MS4A5: variants seen among roughly 807,000 people sequenced by gnomAD.
MS4A5 encodes membrane spanning 4-domains A5.
A neutral mutation model predicts 18.2 loss-of-function variants in MS4A5; 15 were observed. The observed-to-expected ratio is 0.83, with a 90% CI of 0.55 to 1.27. The LOEUF is 1.27. Ranked by LOEUF, MS4A5 falls within the 50% of genes most tolerant of loss-of-function variation. The probability of loss-of-function intolerance (pLI) is 0.00; values close to 1 mark genes in which losing one functional copy is unlikely to be tolerated. For synonymous variants in MS4A5, 89 were observed against 78.7 expected (o/e 1.13, Z -0.69); for missense variants, 232 against 225.7 (o/e 1.03, Z -0.18).
At chr11:60,430,710 TC>T in intron 1 of MS4A5, 85 bp from the exon 2 acceptor site, 3 of 1,507,838 alleles carry the variant, frequency 2.0e-6, no homozygotes, top group Non-Finnish European at 2.7e-6. Flanking sequence ...AATTGCCAAA[TC>T]CTTTTGACCA....
chr11:60,434,069 T>C (rs958177511), intron 4 of MS4A5, 152 bp downstream of exon 4: 22 of 711,272 alleles, frequency 3.1e-5, no homozygotes, highest in Non-Finnish European at 4.3e-5. Flanking sequence ...TGATAGACAT[T>C]ACACCAGGCA....
Position 60,447,695 on chromosome 11 carries a change from T to G in MS4A5, c.539T>G (p.Ile180Ser). The G allele has an allele frequency of 6.3e-7, 1 of 1,599,180 alleles. No homozygotes were observed. Among genetic ancestry groups the G allele is most frequent in the Non-Finnish European group, 8.5e-7 (1 of 1,176,412 alleles). The change falls in exon 5 of 5, where the codon ATT (isoleucine) becomes AGT (serine). Residue 180 changes from isoleucine to serine, a missense_variant. Transcript: ENST00000300190. Reference protein sequence around the residue: ...LMTFSIIELFISLPFSILGCH... With the variant: ...LMTFSIIELFSSLPFSILGCH... ...ACTTTCAGCATTATTGAATTATTCATTTCTCTGCCTTTCTCAATTTTGGGG... is the reference window on the plus strand; with the variant it reads ...ACTTTCAGCATTATTGAATTATTCAGTTCTCTGCCTTTCTCAATTTTGGGG...
chr11:60,430,258 GA>G (rs56029330), intron 1 of MS4A5, among the ~76,000 whole-genome samples: 12,160 of 148,296 alleles, frequency 0.082, 671 homozygotes, highest in Middle Eastern at 0.22. Flanking sequence ...GAGAGGGAGA[GA>G]AAAAAAAAAA....
chr11:60,432,428 C>A lies in MS4A5; in HGVS notation c.300C>A (p.Ala100=). ...WGSVLFINSG[A]FLIAVKRKTT... is the part of the protein sequence containing the mutation. ...CTTAACAGTTCATTAATTCTGGAGC[C>A]TTCCTAATTGCAGTGAAAAGAAAAA... Residue 100 remains alanine (A), a synonymous_variant, in exon 3 of 5, where the codon GCC becomes GCA. Coordinates refer to ENST00000300190, the MANE Select transcript of MS4A5 (RefSeq NM_023945.3). The A allele has an allele frequency of 6.3e-7, 1 of 1,591,938 alleles. No individual in the cohort carries two copies. The highest frequency in any genetic ancestry group is 8.6e-7 in the Non-Finnish European group (1 of 1,162,268).
chr11:60,447,755 G>A lies in MS4A5; in HGVS notation c.599G>A (p.Cys200Tyr), dbSNP rs1263257442. 6 of 1,552,914 alleles carry A rather than the reference G, an allele frequency of 3.9e-6. No individual in the cohort carries two copies. The highest frequency in any genetic ancestry group is 5.3e-6 in the Non-Finnish European group (6 of 1,135,508). Residue 200 changes from cysteine (C) to tyrosine (Y), a missense_variant, in exon 5 of 5, where the codon TGT becomes TAT. Physicochemically the swap from Cys to Tyr is radical, Grantham distance 194. Coordinates refer to ENST00000300190, the MANE Select transcript of MS4A5 (RefSeq NM_023945.3). ...GAGGATTGTGATTGTGAACAATGTT[G>A]TTGACTAGCACTGTGAGAATAAAGA... ...HSEDCDCEQC[C>Y]
At chr11:60,438,558 T>G (rs1216989877) in intron 4 of MS4A5, among the ~76,000 whole-genome samples, 3 of 151,084 alleles carry the variant, frequency 2.0e-5, no homozygotes, top group Non-Finnish European at 4.4e-5. Context: ...GAGAGAAGAA[T>G]CAAATAGACG....
chr11:60,441,632 A>AC (rs1196919596), intron 4 of MS4A5, among the ~76,000 whole-genome samples: 3 of 151,198 alleles, frequency 2.0e-5, no homozygotes, highest in African/African-American at 7.3e-5. Flanking sequence ...CTTGAAAAAA[A>AC]AAAAGAAAGA....
intron 4 of MS4A5, among the ~76,000 whole-genome samples, chr11:60,440,081 T>C (rs2086102195): frequency 7.4e-6 from 1 of 134,520 alleles, no homozygotes; most frequent in Non-Finnish European, 1.6e-5. Context: ...AACAGAGATA[T>C]AGATCAATGG....
intron 4 of MS4A5, among the ~76,000 whole-genome samples, chr11:60,446,319 T>C (rs1229553061): frequency 6.6e-6 from 1 of 152,248 alleles, no homozygotes; most frequent in African/African-American, 2.4e-5. Flanking sequence ...CTCAGAAGAC[T>C]GCAAACTTTA....
At chr11:60,444,162 A>T (rs1288917325) in intron 4 of MS4A5, among the ~76,000 whole-genome samples, 2 of 152,212 alleles carry the variant, frequency 1.3e-5, no homozygotes, top group Non-Finnish European at 2.9e-5. Context: ...TAAAATATTT[A>T]AAAATTACGG....
chr11:60,443,227 G>C (rs960738650), intron 4 of MS4A5, among the ~76,000 whole-genome samples: 1 of 152,042 alleles, frequency 6.6e-6, no homozygotes, highest in African/African-American at 2.4e-5. Context: ...ACATTTTCAA[G>C]AATTAGCCAT....
chr11:60,441,492 C>T (rs2086112246), intron 4 of MS4A5, among the ~76,000 whole-genome samples: 1 of 125,660 alleles, frequency 8.0e-6, no homozygotes, highest in South Asian at 2.7e-4. Flanking sequence ...GGAGATAAGC[C>T]AATAGTTTTC....
At position 60,433,739 on chromosome 11, in the gene MS4A5, A is replaced by G. The variant is rs778099697; in HGVS notation, c.340-26A>G. 6 of 1,610,400 alleles carry G rather than the reference A, an allele frequency of 3.7e-6. No individual in the cohort carries two copies. The South Asian group carries it at 6.6e-5, about 18-fold the overall frequency. On this transcript the variant is annotated intron_variant, in intron 3 of 4. Coordinates refer to ENST00000300190, the MANE Select transcript of MS4A5 (RefSeq NM_023945.3). ...GTAGTACAGGCTGGACCTCAGTCACATTGTTATGTTCTTATTCTATTTCAG... is the reference window on the plus strand; with the variant it reads ...GTAGTACAGGCTGGACCTCAGTCACGTTGTTATGTTCTTATTCTATTTCAG...
rs367551870 is a variant in MS4A5 at position 60,432,939 on chromosome 11, C to T, written c.339+472C>T. Among the ~76,000 whole-genome samples, 5 of 152,164 alleles carry T rather than the reference C, an allele frequency of 3.3e-5. No individual in the cohort carries two copies. The East Asian group carries it at 7.7e-4, about 23-fold the overall frequency. ...TATTAATACCAATAAACAGCATTTGCTTCCTGTTTTCCTAGAATTATAACC... is the reference window on the plus strand; with the variant it reads ...TATTAATACCAATAAACAGCATTTGTTTCCTGTTTTCCTAGAATTATAACC... On this transcript the variant is annotated intron_variant, in intron 3 of 4. Coordinates refer to ENST00000300190, the MANE Select transcript of MS4A5 (RefSeq NM_023945.3).
intron 4 of MS4A5, among the ~76,000 whole-genome samples, chr11:60,444,151 A>G (rs936930837): frequency 1.3e-5 from 2 of 152,218 alleles, no homozygotes; most frequent in Non-Finnish European, 2.9e-5. Context: ...TAAGGACATT[A>G]TAAAATATTT....
intron 4 of MS4A5, among the ~76,000 whole-genome samples, chr11:60,438,283 G>C (rs190975394): frequency 5.9e-5 from 9 of 152,264 alleles, no homozygotes; most frequent in Non-Finnish European, 8.8e-5. Context: ...AGGATGTAGA[G>C]GGAAATTTAA....
At chr11:60,441,468 G>GAAAAAAAAAAAAAAAAAA (rs141966098) in intron 4 of MS4A5, among the ~76,000 whole-genome samples, 1 of 103,454 alleles carries the variant, frequency 9.7e-6, no homozygotes, top group Non-Finnish European at 2.0e-5. Context: ...AAAAAAAAAA[G>GAAAAAAAAAAAAAAAAAA]AAAAAAAAAG....
intron 4 of MS4A5, among the ~76,000 whole-genome samples, chr11:60,435,857 G>A (rs1326343904): frequency 6.6e-6 from 1 of 152,144 alleles, no homozygotes; most frequent in East Asian, 1.9e-4. Flanking sequence ...GCTGGGGGAG[G>A]GGCGCCCGCC....
intron 3 of MS4A5, among the ~76,000 whole-genome samples, chr11:60,433,142 G>A (rs545157735): frequency 2.0e-5 from 3 of 152,142 alleles, no homozygotes; most frequent in African/African-American, 4.8e-5. Context: ...GGGTATTTAC[G>A]GCATACCAGG....
Sources: allele counts gnomAD v4.1 joint callset (sites outside exome capture counted in the v4.1 genomes callset), GRCh38; gene constraint gnomAD v4.1.1; transcripts MANE v1.5; gene names NCBI Gene and HGNC (gene_info 2026-07-23, HGNC 2026-07-21).